Variants in ALPK1 observed in about 807,000 individuals in gnomAD.
ALPK1 encodes the protein alpha-protein kinase 1.
Under a neutral mutation model 120.6 loss-of-function variants are expected in ALPK1, and 110 were observed. The observed-to-expected ratio is 0.91, with a 90% confidence interval of 0.78 to 1.07. The LOEUF is 1.07. ALPK1 is among the 50% of genes least tolerant of loss of function. The pLI, the probability that ALPK1 is intolerant of heterozygous loss-of-function variation, is 0.00. For synonymous variants in ALPK1, 582 were observed against 560.3 expected, an observed-to-expected ratio of 1.04 and a Z score of -0.55; for missense variants, 1,498 against 1,483.9, an observed-to-expected ratio of 1.01 and a Z score of -0.16.
intron 2 of ALPK1, among the ~76,000 whole-genome samples, chr4:112,372,926 A>G (rs771493251): frequency 6.6e-6 from 1 of 152,150 alleles, no homozygotes; most frequent in Non-Finnish European, 1.5e-5. Context: ...CTAAAATTAT[A>G]TGATATTGTG....
intron 2 of ALPK1, among the ~76,000 whole-genome samples, chr4:112,350,235 C>T (rs1578488087): frequency 6.6e-6 from 1 of 152,166 alleles, no homozygotes; most frequent in South Asian, 2.1e-4. Context: ...TAGTTCTATG[C>T]AAAATAAATT....
intron 4 of ALPK1, among the ~76,000 whole-genome samples, chr4:112,394,801 T>C (rs916322509): frequency 8.6e-5 from 13 of 152,028 alleles, no homozygotes; most frequent in Admixed American, 3.3e-4. Flanking sequence ...CCTGGAGGAG[T>C]TGATTTGACT....
In ALPK1 at chr4:112,432,119, C is replaced by T; in HGVS notation, c.2572C>T (p.Leu858Phe). ...CACAGTGGATGAGGAGGGGCAACTG[C>T]TCGACAGCATGGATGTTCCCTGCAC... ...ASTVDEEGQL[L>F]DSMDVPCTNG... is the part of the protein sequence containing the mutation. The change falls in exon 11 of 16, where the codon CTC becomes TTC. Residue 858 changes from leucine (L) to phenylalanine (F), a missense_variant. Leu to Phe is a conservative substitution (Grantham distance 22, BLOSUM62 0). Coordinates refer to ENST00000650871, the MANE Select transcript of ALPK1 (RefSeq NM_025144.4). 6.2e-7 allele frequency: 1 copy of T among 1,614,192 alleles called. No homozygotes were observed. The highest frequency in any genetic ancestry group is 8.5e-7 in the Non-Finnish European group (1 of 1,180,028).
At chr4:112,340,908 T>C (rs2148705907) in intron 2 of ALPK1, among the ~76,000 whole-genome samples, 1 of 152,340 alleles carries the variant, frequency 6.6e-6, no homozygotes. Context: ...AGATGTGTGA[T>C]TTGCAGTCCA....
intron 5 of ALPK1, among the ~76,000 whole-genome samples, chr4:112,418,889 C>T (rs1251062911): frequency 6.6e-6 from 1 of 152,132 alleles, no homozygotes; most frequent in Non-Finnish European, 1.5e-5. Flanking sequence ...ATTACTGCTT[C>T]TATTTGATAC....
chr4:112,401,479 G>T (rs187024362), intron 4 of ALPK1, among the ~76,000 whole-genome samples: 2 of 152,192 alleles, frequency 1.3e-5, no homozygotes, highest in Non-Finnish European at 2.9e-5. Context: ...TCTAAGTTAT[G>T]ACCAACCATG....
intron 5 of ALPK1, among the ~76,000 whole-genome samples, chr4:112,421,930 T>C (rs1382581326): frequency 6.6e-6 from 1 of 152,238 alleles, no homozygotes; most frequent in Non-Finnish European, 1.5e-5. Context: ...AAGGAAGCAC[T>C]TTACAGCTTC....
chr4:112,355,722 G>A lies in ALPK1; in HGVS notation c.-100-21956G>A, dbSNP rs543810763. Among the ~76,000 whole-genome samples the A allele has an allele frequency of 5.3e-5, 8 of 152,364 alleles. No individual in the cohort carries two copies. In the East Asian group the frequency reaches 1.5e-3, roughly 29 times the overall value. On this transcript the variant is annotated intron_variant, in intron 2 of 15. Coordinates refer to ENST00000650871, the MANE Select transcript of ALPK1 (RefSeq NM_025144.4). ...CACAGAACGCTCAAAGGGCTGCATA[G>A]ACCTCTAGGGCCCAAAGAGCAGGCG...
At chr4:112,300,702 A>T (rs1423435118) in intron 1 of ALPK1, among the ~76,000 whole-genome samples, 2 of 140,722 alleles carry the variant, frequency 1.4e-5, no homozygotes, top group East Asian at 2.0e-4. Flanking sequence ...GCTTAAAGAT[A>T]AAAAAAAAAA....
Position 112,425,692 on chromosome 4 carries a change from A to T in ALPK1, c.563A>T (p.Asp188Val). ...ACCTGGCTGTACAGAAATGAAAGTG[A>T]CAAGGTCCTGGTGCAGTCGGTCTGT... is the stretch of plus-strand genomic sequence containing the variant. ...TGTWLYRNES[D>V]KVLVQSVCIQ... Residue 188 changes from aspartate (D) to valine (V), a missense_variant, in exon 7 of 16, where the codon GAC becomes GTC. Coordinates refer to ENST00000650871, the MANE Select transcript of ALPK1 (RefSeq NM_025144.4). 6.2e-7 allele frequency: 1 copy of T among 1,613,216 alleles called. No individual in the cohort carries two copies.
intron 1 of ALPK1, among the ~76,000 whole-genome samples, chr4:112,305,453 A>G (rs1560628913): frequency 1.3e-5 from 2 of 151,998 alleles, no homozygotes; most frequent in Admixed American, 6.6e-5. Context: ...TTCTCCTTGA[A>G]GAGGTCCTTC....
chr4:112,412,111 C>G (rs576303718), intron 5 of ALPK1, 86 bp downstream of exon 5: 3 of 1,509,470 alleles, frequency 2.0e-6, no homozygotes, highest in Admixed American at 1.7e-5. Flanking sequence ...CTGTGGGACA[C>G]CCGGAGCACC....
chr4:112,345,889 G>A lies in ALPK1; in HGVS notation c.-101+30037G>A, dbSNP rs1048674250. ...TCCCTAAACGATATGAACTCTTGGA[G>A]TTTCACTCTTGTTGCCCAGGCTGGA... On this transcript the variant is annotated intron_variant, in intron 2 of 15. Transcript: ENST00000650871. 5.3e-5 allele frequency among the ~76,000 whole-genome samples: 8 copies of A among 152,248 alleles called. No individual in the cohort carries two copies. In the East Asian group the frequency reaches 1.5e-3, roughly 29 times the overall value.
chr4:112,338,776 G>A (rs1229420848), intron 2 of ALPK1, among the ~76,000 whole-genome samples: 2 of 152,178 alleles, frequency 1.3e-5, no homozygotes, highest in East Asian at 3.8e-4. Context: ...CAGCATTAAA[G>A]GAAGATGGCA....
rs904143907 is a variant in ALPK1 at position 112,324,128 on chromosome 4, C to T, written c.-101+8276C>T. ...GGATCACGAGGTCAGGAGATCGAGACCATCCTGGCTAATACAGTGAAACCC... is the reference window on the plus strand; with the variant it reads ...GGATCACGAGGTCAGGAGATCGAGATCATCCTGGCTAATACAGTGAAACCC... On this transcript the variant is annotated intron_variant, in intron 2 of 15. Transcript: ENST00000650871. Among the ~76,000 whole-genome samples the T allele has an allele frequency of 4.6e-5, 7 of 152,120 alleles. 1 individual carries two copies. The highest frequency in any genetic ancestry group is 1.3e-4 in the Admixed American group (2 of 15,282).
At chr4:112,331,417 C>T (rs1239422149) in intron 2 of ALPK1, among the ~76,000 whole-genome samples, 1 of 152,194 alleles carries the variant, frequency 6.6e-6, no homozygotes, top group Non-Finnish European at 1.5e-5. Flanking sequence ...ATCCTTCAAT[C>T]TTCTTCCTTT....
chr4:112,331,723 C>T (rs1729377829), intron 2 of ALPK1, among the ~76,000 whole-genome samples: 1 of 152,334 alleles, frequency 6.6e-6, no homozygotes, highest in South Asian at 2.1e-4. Context: ...GGAGATGTGG[C>T]ATCACAGCAA....
intron 4 of ALPK1, among the ~76,000 whole-genome samples, chr4:112,396,078 G>A (rs1212016998): frequency 1.3e-5 from 2 of 151,688 alleles, no homozygotes; most frequent in Non-Finnish European, 2.9e-5. Flanking sequence ...AAGAAAGAAA[G>A]AAAAAAAATT....
intron 1 of ALPK1, among the ~76,000 whole-genome samples, chr4:112,308,164 T>A (rs1282826885): frequency 6.6e-6 from 1 of 152,146 alleles, no homozygotes; most frequent in African/African-American, 2.4e-5. Flanking sequence ...AACCTTTCTC[T>A]CTGGCCGCCC....
Sources: allele counts gnomAD v4.1 joint callset (sites outside exome capture counted in the v4.1 genomes callset), GRCh38; gene constraint gnomAD v4.1.1; transcripts MANE v1.5; gene names NCBI Gene and HGNC (gene_info 2026-07-23, HGNC 2026-07-21).